Variants in MAP4K4 observed in about 807,000 individuals in gnomAD.
MAP4K4 encodes the protein mitogen-activated protein kinase kinase kinase kinase 4.
A neutral mutation model predicts 189.6 loss-of-function variants in MAP4K4; 38 were observed. That is an observed-to-expected ratio of 0.20 (90% CI 0.15 to 0.26). The LOEUF is 0.26. MAP4K4 is among the 10% of genes least tolerant of loss of function. The pLI is 1.00. For missense variants in MAP4K4, 1,054 were observed against 1,726.9 expected, an observed-to-expected ratio of 0.61 and a Z score of 6.91; for synonymous variants, 610 against 624.3, an observed-to-expected ratio of 0.98 and a Z score of 0.34.
At chr2:101,704,493 T>TAAAA (rs1243224402) in intron 2 of MAP4K4, among the ~76,000 whole-genome samples, 2 of 147,974 alleles carry the variant, frequency 1.4e-5, no homozygotes, top group East Asian at 3.9e-4. Context: ...TCAACTCGTA[T>TAAAA]TTTGCCTTTT....
chr2:101,846,120 A>G (rs1390679611), intron 12 of MAP4K4, among the ~76,000 whole-genome samples: 1 of 152,232 alleles, frequency 6.6e-6, no homozygotes, highest in African/African-American at 2.4e-5. Flanking sequence ...AACAGGACGT[A>G]CGTTCCCCTG....
chr2:101,869,267 C>T (rs1401253878), intron 21 of MAP4K4, among the ~76,000 whole-genome samples: 1 of 151,734 alleles, frequency 6.6e-6, no homozygotes, highest in African/African-American at 2.4e-5. Flanking sequence ...CAACAAAGTC[C>T]AAGAGTCTGT....
At chr2:101,828,821 T>C (rs1351852489) in intron 5 of MAP4K4, among the ~76,000 whole-genome samples, 2 of 152,224 alleles carry the variant, frequency 1.3e-5, no homozygotes, top group Admixed American at 6.5e-5. Context: ...TGGACCATAT[T>C]TGGAGGCAAC....
rs144511930 is a variant in MAP4K4, at chr2:101,848,728, C to T, written c.1233+4417C>T. Among the ~76,000 whole-genome samples, 1,371 of 152,284 alleles carry T rather than the reference C, an allele frequency of 9.0e-3. 4 individuals are homozygous for T. Among genetic ancestry groups the T allele is most frequent in the Non-Finnish European group, 0.016 (1,098 of 68,022 alleles). On this transcript the variant is annotated intron_variant, in intron 12 of 32. Coordinates refer to ENST00000324219, the Ensembl canonical transcript of MAP4K4. ...TTTAAGAAATATGTACACTCCCACCCTCCATCTCCCTTGGTGCTCTCTGAT... is the reference window on the plus strand; with the variant it reads ...TTTAAGAAATATGTACACTCCCACCTTCCATCTCCCTTGGTGCTCTCTGAT...
At chr2:101,760,556 GTGTA>G (rs1165584819) in intron 2 of MAP4K4, among the ~76,000 whole-genome samples, 12 of 147,020 alleles carry the variant, frequency 8.2e-5, no homozygotes, top group African/African-American at 1.8e-4. Context: ...GTGTGTGTGT[GTGTA>G]TATGTATTTA....
At chr2:101,876,888 G>A (rs2098220244) in intron 26 of MAP4K4, 115 bp from the exon 27 acceptor site, 8 of 994,390 alleles carry the variant, frequency 8.0e-6, no homozygotes, top group Non-Finnish European at 5.9e-6. Flanking sequence ...TCTGCTTCTG[G>A]GTGAATTAAG....
At chr2:101,774,719 T>A (rs1481501004) in intron 2 of MAP4K4, among the ~76,000 whole-genome samples, 1 of 152,204 alleles carries the variant, frequency 6.6e-6, no homozygotes, top group African/African-American at 2.4e-5. Flanking sequence ...TACAAGTCTG[T>A]ATAGTTTTAA....
At chr2:101,748,109 T>C (rs905859633) in intron 2 of MAP4K4, among the ~76,000 whole-genome samples, 9 of 152,362 alleles carry the variant, frequency 5.9e-5, no homozygotes, top group Non-Finnish European at 1.0e-4. Flanking sequence ...CTCCAGTCTC[T>C]GGTGTAAAAC....
intron 28 of MAP4K4, among the ~76,000 whole-genome samples, chr2:101,883,547 A>C (rs1328268508): frequency 6.6e-6 from 1 of 152,174 alleles, no homozygotes; most frequent in Admixed American, 6.5e-5. Context: ...TACTGGCACT[A>C]ATGTTAGACA....
At chr2:101,804,658 G>A (rs2094730057) in intron 3 of MAP4K4, among the ~76,000 whole-genome samples, 1 of 152,066 alleles carries the variant, frequency 6.6e-6, no homozygotes. Flanking sequence ...TACCTGTGCT[G>A]TAGCAGTGTG....
chr2:101,841,132 AC>A (rs1292485948), intron 10 of MAP4K4, among the ~76,000 whole-genome samples: 1 of 152,150 alleles, frequency 6.6e-6, no homozygotes, highest in Non-Finnish European at 1.5e-5. Context: ...CTCATCACCC[AC>A]ATTTTGCAGA....
intron 2 of MAP4K4, among the ~76,000 whole-genome samples, chr2:101,710,328 A>G (rs953246599): frequency 2.0e-5 from 3 of 152,158 alleles, no homozygotes; most frequent in Non-Finnish European, 4.4e-5. Flanking sequence ...ACATTTTCTC[A>G]TTTATTCTTG....
At chr2:101,797,434 C>CG in intron 3 of MAP4K4, 1 of 1,264,184 alleles carries the variant, frequency 7.9e-7, no homozygotes, top group South Asian at 1.2e-5. Context: ...CCTCCTGCAC[C>CG]GCCCCCTCCC....
At chr2:101,836,676 A>G (rs2096765240) in intron 9 of MAP4K4, among the ~76,000 whole-genome samples, 2 of 152,284 alleles carry the variant, frequency 1.3e-5, no homozygotes, top group Middle Eastern at 3.4e-3. Context: ...CTTTTACTGT[A>G]ATTATTATTA....
chr2:101,849,119 CT>C (rs1344938360), intron 12 of MAP4K4, among the ~76,000 whole-genome samples: 2 of 152,012 alleles, frequency 1.3e-5, no homozygotes, highest in Non-Finnish European at 2.9e-5. Flanking sequence ...TTCTTCCTCC[CT>C]CAAAAAGGTG....
intron 4 of MAP4K4, among the ~76,000 whole-genome samples, chr2:101,824,651 A>G (rs2096271819): frequency 6.6e-6 from 1 of 152,202 alleles, no homozygotes; most frequent in Non-Finnish European, 1.5e-5. Flanking sequence ...TACTTTTTGT[A>G]TCAGTATTTT....
intron 2 of MAP4K4, among the ~76,000 whole-genome samples, chr2:101,788,853 T>A (rs537142597): frequency 1.3e-5 from 2 of 151,992 alleles, no homozygotes; most frequent in African/African-American, 4.8e-5. Context: ...ATGGCTTTAT[T>A]TATGTTAAGA....
intron 2 of MAP4K4, among the ~76,000 whole-genome samples, chr2:101,771,112 A>C (rs1028754276): frequency 2.6e-5 from 4 of 152,144 alleles, no homozygotes; most frequent in African/African-American, 9.7e-5. Context: ...TAAATAGCAC[A>C]CCTTGATTTT....
intron 2 of MAP4K4, among the ~76,000 whole-genome samples, chr2:101,702,101 T>C (rs1017447343): frequency 6.6e-6 from 1 of 152,138 alleles, no homozygotes; most frequent in Non-Finnish European, 1.5e-5. Flanking sequence ...CCTCAAGTGA[T>C]CTGCACGCCT....
Sources: gnomAD v4.1 joint callset for allele counts (sites outside exome capture counted in the v4.1 genomes callset) on GRCh38, gnomAD v4.1.1 for gene constraint, MANE v1.5 for transcripts, NCBI Gene and HGNC (gene_info 2026-07-23, HGNC 2026-07-21) for gene names.